Variants in CHD1L observed in about 807,000 individuals in gnomAD.
The protein encoded by CHD1L is ATP-dependent chromatin remodeler CHD1L.
A neutral mutation model predicts 115.9 loss-of-function variants in CHD1L; 118 were observed. The observed-to-expected ratio is 1.02, with a 90% CI of 0.88 to 1.19. The LOEUF (loss-of-function observed/expected upper bound fraction) is 1.19, where lower values mean the gene tolerates loss of function less well. Among genes scored for constraint, CHD1L ranks in the 50% most tolerant of loss-of-function variants. CHD1L has a pLI of 0.00. For synonymous variants in CHD1L, 411 were observed against 387.1 expected, an observed-to-expected ratio of 1.06 and a Z score of -0.72; for missense variants, 1,179 against 1,065.3, an observed-to-expected ratio of 1.11 and a Z score of -1.49.
At chr1:147,269,667 CAAAAAAAAA>C (rs10649680) in intron 10 of CHD1L, among the ~76,000 whole-genome samples, 1 of 93,270 alleles carries the variant, frequency 1.1e-5, no homozygotes, top group Admixed American at 1.3e-4. Context: ...GGCTCCATCT[CAAAAAAAAA>C]AAAAAAAAAA....
chr1:147,239,821 T>C (rs1278622410), upstream of CHD1L, among the ~76,000 whole-genome samples: 3 of 152,192 alleles, frequency 2.0e-5, no homozygotes, highest in Non-Finnish European at 4.4e-5. Context: ...AACAGGCTTA[T>C]ATTTAAGTGG....
chr1:147,277,535 T>G (rs1384304243), intron 14 of CHD1L, among the ~76,000 whole-genome samples: 1 of 152,090 alleles, frequency 6.6e-6, no homozygotes, highest in East Asian at 1.9e-4. Context: ...CTAGAAAGAG[T>G]AACACTGGGT....
intron 2 of CHD1L, among the ~76,000 whole-genome samples, chr1:147,252,947 G>A (rs932654450): frequency 6.6e-6 from 1 of 152,158 alleles, no homozygotes; most frequent in African/African-American, 2.4e-5. Context: ...TTTATTCAGG[G>A]CCAGCAAATG....
At chr1:147,266,547 G>A (rs587714438) in intron 8 of CHD1L, among the ~76,000 whole-genome samples, 13 of 152,334 alleles carry the variant, frequency 8.5e-5, no homozygotes, top group African/African-American at 3.1e-4. Flanking sequence ...GTTCCACCCA[G>A]GACATGAATC....
chr1:147,245,849 A>G (rs1666438590), intron 1 of CHD1L, among the ~76,000 whole-genome samples: 2 of 152,068 alleles, frequency 1.3e-5, no homozygotes, highest in African/African-American at 4.8e-5. Context: ...AAGAAATAAT[A>G]CGGAAGGATC....
At chr1:147,188,522 C>CAAAA in the CHD1L span, among the ~76,000 whole-genome samples, 44 of 61,186 alleles carry the variant, frequency 7.2e-4, no homozygotes, top group Non-Finnish European at 7.9e-4. Context: ...GACCCCATAT[C>CAAAA]AAAAAAAAAA....
the CHD1L span, chr1:147,179,079 G>A: frequency 2.0e-5 from 33 of 1,613,944 alleles, no homozygotes; most frequent in Non-Finnish European, 2.7e-5. Flanking sequence ...CTGCTGGAGA[G>A]ATTCCTGTTG....
At chr1:147,266,243 A>G (rs1673868856) in intron 8 of CHD1L, among the ~76,000 whole-genome samples, 156 bp downstream of exon 8, 1 of 152,244 alleles carries the variant, frequency 6.6e-6, no homozygotes, top group Admixed American at 6.5e-5. Flanking sequence ...GGACTGTGGC[A>G]GAGCATCTTA....
the CHD1L span, among the ~76,000 whole-genome samples, chr1:147,219,043 T>C: frequency 6.6e-6 from 1 of 152,166 alleles, no homozygotes; most frequent in Non-Finnish European, 1.5e-5. Flanking sequence ...TAAATCTCTA[T>C]TATCAGGACC....
chr1:147,225,184 C>A, the CHD1L span: 2 of 1,472,134 alleles, frequency 1.4e-6, no homozygotes, highest in South Asian at 1.4e-5. Flanking sequence ...AGGACAGATT[C>A]GACGGTCCTC....
At chr1:147,274,397 A>G (rs587726591) in intron 12 of CHD1L, among the ~76,000 whole-genome samples, 6 of 152,324 alleles carry the variant, frequency 3.9e-5, no homozygotes, top group African/African-American at 1.2e-4. Flanking sequence ...TCAACTTGAT[A>G]CGAAGACTTT....
chr1:147,233,058 G>T, the CHD1L span, among the ~76,000 whole-genome samples: 1 of 151,720 alleles, frequency 6.6e-6, no homozygotes, highest in Non-Finnish European at 1.5e-5. Flanking sequence ...AGTGAGGAGC[G>T]TCTCTGCCCG....
chr1:147,236,620 C>T, the CHD1L span, among the ~76,000 whole-genome samples: 1 of 152,044 alleles, frequency 6.6e-6, no homozygotes, highest in Non-Finnish European at 1.5e-5. Flanking sequence ...GTTGGTTGTC[C>T]CAATGTCTGC....
the CHD1L span, chr1:147,184,533 G>A: frequency 4.5e-6 from 7 of 1,548,180 alleles, no homozygotes; most frequent in African/African-American, 8.2e-5. This position sits in a 1 kb window ranked among gnomAD's most constrained non-coding sequence, Gnocchi z 4.4. Context: ...CAATTTCTCA[G>A]ACTTTCTTTG....
At chr1:147,212,713 C>A in the CHD1L span, among the ~76,000 whole-genome samples, 5 of 152,132 alleles carry the variant, frequency 3.3e-5, no homozygotes, top group African/African-American at 1.2e-4. Flanking sequence ...CCCATAGCCT[C>A]AGAGTAGTAC....
chr1:147,237,608 C>G, the CHD1L span, among the ~76,000 whole-genome samples: 1 of 152,180 alleles, frequency 6.6e-6, no homozygotes, highest in Non-Finnish European at 1.5e-5. Context: ...GCTGGCAGCC[C>G]TGGTGTGCCA....
At chr1:147,258,030 A>G (rs1324637836) in intron 5 of CHD1L, among the ~76,000 whole-genome samples, 9 of 152,168 alleles carry the variant, frequency 5.9e-5, no homozygotes, top group African/African-American at 1.9e-4. Context: ...TTCTTTCAAT[A>G]TATTTGGAAG....
the CHD1L span, among the ~76,000 whole-genome samples, chr1:147,206,229 A>G: frequency 6.6e-6 from 1 of 150,996 alleles, no homozygotes; most frequent in Non-Finnish European, 1.5e-5. Flanking sequence ...ACCATCTCAC[A>G]CCAGTTAGAA....
At position 147,291,519 on chromosome 1, in the gene CHD1L, T is replaced by C; in HGVS notation, c.2358T>C (p.Asp786=). ...GAGGTGTCCTTTTATTTCCTGTTGA[T>C]GATAAAGAATCAAGAAACAAAGGGC... ...SLGGVLLFPV[D]DKESRNKGQD... is the part of the protein sequence containing the mutation. Residue 786 remains aspartate, a synonymous_variant, in exon 20 of 23, where the codon GAT becomes GAC. Coordinates refer to ENST00000369258, the MANE Select transcript of CHD1L (RefSeq NM_004284.6). 1 of 1,614,024 alleles carries C rather than the reference T, an allele frequency of 6.2e-7. No individual in the cohort carries two copies. Among genetic ancestry groups the C allele is most frequent in the Non-Finnish European group, 8.5e-7 (1 of 1,179,934 alleles).
Sources: allele counts gnomAD v4.1 joint callset (sites outside exome capture counted in the v4.1 genomes callset), GRCh38; gene constraint gnomAD v4.1.1; non-coding constraint Gnocchi (gnomAD v3.1); transcripts MANE v1.5; gene names NCBI Gene and HGNC (gene_info 2026-07-23, HGNC 2026-07-21).